The following NRXN1 variants were observed in gnomAD, a reference collection of about 807,000 sequenced individuals.
NRXN1 encodes neurexin 1, also known as neurexin-1.
Under a neutral mutation model 150.9 loss-of-function variants are expected in NRXN1, and 39 were observed. The ratio of observed to expected loss-of-function variants is 0.26; its 90% CI spans 0.20 to 0.34. The LOEUF (loss-of-function observed/expected upper bound fraction) is 0.34, where lower values mean the gene tolerates loss of function less well. Ranked by LOEUF, NRXN1 falls within the 10% of genes least tolerant of loss-of-function variation. The probability of loss-of-function intolerance (pLI) is 1.00; values close to 1 mark genes in which losing one functional copy is unlikely to be tolerated. For synonymous variants in NRXN1, 924 were observed against 757.0 expected (o/e 1.22, Z -3.62); for missense variants, 1,815 against 1,949.9 (o/e 0.93, Z 1.30).
intron 17 of NRXN1, among the ~76,000 whole-genome samples, chr2:50,333,386 G>C (rs373371277): frequency 0.019 from 2,867 of 152,194 alleles, 100 homozygotes; most frequent in African/African-American, 0.066. Context: ...AATAAAAAGA[G>C]AAGCCACTGT....
chr2:50,452,370 T>TA (rs1187941984), intron 17 of NRXN1, among the ~76,000 whole-genome samples: 1 of 152,030 alleles, frequency 6.6e-6, no homozygotes, highest in African/African-American at 2.4e-5. Flanking sequence ...AGAAAGAATA[T>TA]AGTGACAATG....
intron 2 of NRXN1, among the ~76,000 whole-genome samples, chr2:50,936,481 T>C (rs1452076003): frequency 6.6e-6 from 1 of 152,160 alleles, no homozygotes; most frequent in African/African-American, 2.4e-5. Flanking sequence ...AAAAAACTAG[T>C]TGTGCAACAT....
intron 18 of NRXN1, chr2:50,174,872 A>T (rs542820172): frequency 1.3e-5 from 2 of 152,332 alleles, no homozygotes; most frequent in African/African-American, 4.8e-5. Context: ...ATGATAATTT[A>T]AAAAATCATA....
intron 17 of NRXN1, among the ~76,000 whole-genome samples, chr2:50,407,082 T>C (rs2082799236): frequency 1.3e-5 from 2 of 152,162 alleles, no homozygotes; most frequent in Admixed American, 6.5e-5. Flanking sequence ...GTAGTAATGA[T>C]ATACATTTTT....
chr2:50,899,297 T>G (rs553746829), intron 5 of NRXN1, among the ~76,000 whole-genome samples: 8 of 152,128 alleles, frequency 5.3e-5, no homozygotes, highest in Non-Finnish European at 8.8e-5. Flanking sequence ...GCAGTACAAT[T>G]GAAAACGTTA....
At chr2:50,323,963 T>G (rs2152976812) in intron 17 of NRXN1, among the ~76,000 whole-genome samples, 1 of 152,172 alleles carries the variant, frequency 6.6e-6, no homozygotes, top group East Asian at 1.9e-4. Flanking sequence ...CTAGTGAGGA[T>G]TTTGAGGTAG....
chr2:50,766,268 G>A (rs1397514871), intron 5 of NRXN1, among the ~76,000 whole-genome samples: 4 of 152,008 alleles, frequency 2.6e-5, no homozygotes, highest in Non-Finnish European at 5.9e-5. Context: ...ATGGTCTGAG[G>A]TGTCACTTAC....
At chr2:50,233,687 A>G (rs2065167361) in intron 18 of NRXN1, among the ~76,000 whole-genome samples, 1 of 152,114 alleles carries the variant, frequency 6.6e-6, no homozygotes, top group Non-Finnish European at 1.5e-5. Flanking sequence ...ATAATGAATA[A>G]GTCTAACTTT....
intron 18 of NRXN1, among the ~76,000 whole-genome samples, chr2:50,168,712 C>G (rs1452770): frequency 0.25 from 37,989 of 152,030 alleles, 5,940 homozygotes; most frequent in African/African-American, 0.41. Flanking sequence ...TTTATAAAAG[C>G]CCTCTGGACC....
chr2:50,816,552 T>C (rs1668967548), intron 5 of NRXN1, among the ~76,000 whole-genome samples: 1 of 152,172 alleles, frequency 6.6e-6, no homozygotes, highest in African/African-American at 2.4e-5. Flanking sequence ...TCTGGATTTA[T>C]CTTGCGTTAT....
At chr2:50,836,789 T>C (rs988635723) in intron 5 of NRXN1, among the ~76,000 whole-genome samples, 3 of 151,654 alleles carry the variant, frequency 2.0e-5, no homozygotes, top group Admixed American at 2.0e-4. Context: ...CTTTAGATTC[T>C]TATATCCTTA....
chr2:50,053,473 T>C lies in NRXN1; in HGVS notation c.3926A>G (p.Asn1309Ser), dbSNP rs1273410976. 1.2e-6 allele frequency: 2 copies of C among 1,613,920 alleles called. No homozygotes were observed. The highest frequency in any genetic ancestry group is 1.7e-5 in the Admixed American group (1 of 59,982). Reference protein sequence around the residue: ...GLYYNGLKVLNMAAENDANIA... With the variant: ...GLYYNGLKVLSMAAENDANIA... ...GTTGGCATCGTTTTCGGCTGCCATA[T>C]TCAGAACTTTCAAGCCATTGTAGTA... is the stretch of plus-strand genomic sequence containing the variant. The change falls in exon 21 of 23, where the codon AAT becomes AGT. Residue 1309 changes from asparagine (N) to serine (S), a missense_variant. Asn to Ser is a conservative substitution (Grantham distance 46). Transcript: ENST00000401669.
intron 18 of NRXN1, among the ~76,000 whole-genome samples, chr2:50,191,437 T>C (rs2061437341): frequency 6.6e-6 from 1 of 152,234 alleles, no homozygotes; most frequent in South Asian, 2.1e-4. Context: ...ACTGGTTTTA[T>C]ATGTACTCAT....
chr2:50,035,391 GT>G (rs1399145689), intron 21 of NRXN1, among the ~76,000 whole-genome samples: 1 of 151,930 alleles, frequency 6.6e-6, no homozygotes, highest in African/African-American at 2.4e-5. Flanking sequence ...GTCTTAAAAT[GT>G]TTTTAGATTG....
intron 5 of NRXN1, among the ~76,000 whole-genome samples, chr2:50,874,071 C>T (rs576770120): frequency 5.3e-5 from 8 of 151,966 alleles, no homozygotes; most frequent in African/African-American, 1.7e-4. Flanking sequence ...ACTGCACATG[C>T]TTAAAAATTA....
At chr2:50,472,699 A>G (rs1046934208) in intron 15 of NRXN1, among the ~76,000 whole-genome samples, 1 of 151,812 alleles carries the variant, frequency 6.6e-6, no homozygotes, top group African/African-American at 2.4e-5. Context: ...AAGTAATTCC[A>G]TATTATGTGG....
At chr2:50,917,895 C>G (rs1685445025) in intron 5 of NRXN1, 1 of 151,408 alleles carries the variant, frequency 6.6e-6, no homozygotes, top group Admixed American at 6.6e-5. Flanking sequence ...TTATTCTTTT[C>G]TAAGTATTAA....
intron 8 of NRXN1, among the ~76,000 whole-genome samples, chr2:50,587,895 T>C (rs973215490): frequency 6.6e-6 from 1 of 152,180 alleles, no homozygotes; most frequent in African/African-American, 2.4e-5. Flanking sequence ...GGTATTTATA[T>C]ATTAAGACAA....
chr2:50,746,612 T>G (rs1700058396), intron 5 of NRXN1, among the ~76,000 whole-genome samples: 2 of 151,958 alleles, frequency 1.3e-5, no homozygotes, highest in African/African-American at 2.4e-5. Context: ...GTGGTCTGAT[T>G]TTCAAGTACA....
Sources: allele counts gnomAD v4.1 joint callset (sites outside exome capture counted in the v4.1 genomes callset), GRCh38; gene constraint gnomAD v4.1.1; transcripts MANE v1.5; gene names NCBI Gene and HGNC (gene_info 2026-07-23, HGNC 2026-07-21).